CES5A: variants seen among roughly 807,000 people sequenced by gnomAD.
CES5A encodes carboxylesterase 5A.
In CES5A, 67 loss-of-function variants were observed where a neutral mutation model predicts 62.9. The observed-to-expected ratio is 1.07, with a 90% confidence interval of 0.88 to 1.31. CES5A has a LOEUF of 1.31. Ranked by LOEUF, CES5A falls within the 50% of genes most tolerant of loss-of-function variation. The pLI is 0.00. For missense variants in CES5A, 748 were observed against 708.5 expected (o/e 1.06, Z -0.63); for synonymous variants, 296 against 280.8 (o/e 1.05, Z -0.54).
chr16:55,879,459 G>A (rs948739840), upstream of CES5A, among the ~76,000 whole-genome samples: 1 of 143,666 alleles, frequency 7.0e-6, no homozygotes, highest in African/African-American at 2.6e-5. Flanking sequence ...GCAAGCCCAT[G>A]ACTGCACCCT....
intron 1 of CES5A, among the ~76,000 whole-genome samples, chr16:55,886,600 A>G (rs749171791): frequency 2.0e-5 from 3 of 152,076 alleles, no homozygotes; most frequent in Non-Finnish European, 4.4e-5. Context: ...CCGAATGCCC[A>G]CTGGCCAGCA....
At chr16:55,944,959 G>A (rs1328583066) in intron 2 of CES5A, among the ~76,000 whole-genome samples, 5 of 152,180 alleles carry the variant, frequency 3.3e-5, no homozygotes, top group Non-Finnish European at 5.9e-5. Flanking sequence ...CAAACTACAT[G>A]AGTTCAAATC....
chr16:55,854,685 C>G (rs1392936606), intron 9 of CES5A, among the ~76,000 whole-genome samples: 1 of 150,994 alleles, frequency 6.6e-6, no homozygotes, highest in Non-Finnish European at 1.5e-5. Context: ...ATGCACACCA[C>G]CAGGCCTGGC....
chr16:55,955,574 C>A (rs1211105187), intron 1 of CES5A, among the ~76,000 whole-genome samples: 4 of 152,172 alleles, frequency 2.6e-5, no homozygotes, highest in African/African-American at 9.7e-5. Context: ...CCACATGCCG[C>A]ATGGAGGAAA....
At chr16:55,865,848 T>C in intron 5 of CES5A, 115 bp downstream of exon 5, 2 of 1,157,342 alleles carry the variant, frequency 1.7e-6, no homozygotes, top group Non-Finnish European at 2.6e-6. Context: ...AAAAAGACAA[T>C]GTGTATTAAA....
rs1288510111 is a variant in CES5A, at chr16:55,849,768, C to T, written c.1279G>A (p.Gly427Ser). The change falls in exon 11 of 13, where the codon GGT becomes AGT. Residue 427 changes from glycine (G) to serine (S), a missense_variant. By Grantham distance (56) the Gly-to-Ser change is moderately conservative (BLOSUM62 0). Coordinates refer to ENST00000290567, the MANE Select transcript of CES5A (RefSeq NM_001143685.2). ...LITARYHRDA[G>S]APVYFYEFRH... ...AACTCATAGAAGTAGACAGGTGCAC[C>T]AGCATCTGACAAAAGGTCAGGGAAG... 2 of 1,613,576 alleles carry T rather than the reference C, an allele frequency of 1.2e-6. No homozygotes were observed. The highest frequency in any genetic ancestry group is 2.7e-5 in the African/African-American group (2 of 74,930).
intron 2 of CES5A, among the ~76,000 whole-genome samples, chr16:55,943,014 T>C (rs1358302701): frequency 6.6e-6 from 1 of 152,186 alleles, no homozygotes; most frequent in Non-Finnish European, 1.5e-5. Flanking sequence ...GCTTGGAAGG[T>C]TGGCTACAAA....
intron 11 of CES5A, among the ~76,000 whole-genome samples, chr16:55,849,360 A>AAT (rs1555478627): frequency 6.6e-6 from 1 of 151,306 alleles, no homozygotes; most frequent in East Asian, 1.9e-4. Flanking sequence ...TAAAAAAAAA[A>AAT]ATATTTAGAT....
At chr16:55,855,179 C>A (rs1217321298) in intron 9 of CES5A, among the ~76,000 whole-genome samples, 1 of 152,252 alleles carries the variant, frequency 6.6e-6, no homozygotes, top group African/African-American at 2.4e-5. Context: ...CTGTCCACCC[C>A]ACATTGCACC....
chr16:55,859,244 G>A (rs529854855), intron 8 of CES5A, among the ~76,000 whole-genome samples: 1 of 152,310 alleles, frequency 6.6e-6, no homozygotes, highest in Non-Finnish European at 1.5e-5. Context: ...GCATTTTTTG[G>A]AAACAATCAT....
At chr16:55,906,528 G>A (rs6416767) in intron 1 of CES5A, among the ~76,000 whole-genome samples, 1 of 152,086 alleles carries the variant, frequency 6.6e-6, no homozygotes, top group African/African-American at 2.4e-5. Context: ...TGACAATGTA[G>A]TTCCTTCATG....
intron 4 of CES5A, among the ~76,000 whole-genome samples, chr16:55,869,243 T>G (rs750993427): frequency 4.3e-4 from 66 of 151,960 alleles, no homozygotes; most frequent in Non-Finnish European, 7.9e-4. Context: ...CAGGAGACCC[T>G]CCATTGCATG....
At chr16:55,955,984 T>C (rs1159730753) in exon 1 of CES5A, 4 of 1,319,358 alleles carry the variant, frequency 3.0e-6, no homozygotes, top group South Asian at 1.3e-5. Context: ...GTACAGCTGA[T>C]AAAGAAAAGT....
In CES5A at chr16:55,872,950, G is replaced by A. The variant is rs898788179; in HGVS notation, c.278+883C>T. Among the ~76,000 whole-genome samples, 8 of 152,158 alleles carry A rather than the reference G, an allele frequency of 5.3e-5. No homozygotes were observed. In the South Asian group the frequency reaches 6.2e-4, roughly 12 times the overall value. On this transcript the variant is annotated intron_variant, in intron 2 of 12. Transcript: ENST00000290567. The stretch of plus-strand genomic sequence containing the variant: ...GGAGAGCCAGTTATCAAGTTGGTTC[G>A]CAATGAATATTAGTTGGATGAATGA...
chr16:55,899,836 C>T (rs1217442836), intron 1 of CES5A, among the ~76,000 whole-genome samples: 1 of 152,120 alleles, frequency 6.6e-6, no homozygotes, highest in Non-Finnish European at 1.5e-5. Flanking sequence ...GGCTGAGAAA[C>T]CCTTGGCTAA....
upstream of CES5A, among the ~76,000 whole-genome samples, chr16:55,878,936 CCACTGCACCCCAT>C (rs1374928832): frequency 5.1e-5 from 7 of 138,434 alleles, no homozygotes; most frequent in Admixed American, 5.0e-4. Context: ...ACTGCACCTC[CCACTGCACCCCAT>C]CACTGCACCC....
upstream of CES5A, among the ~76,000 whole-genome samples, chr16:55,879,757 A>AT (rs1324077916): frequency 4.7e-4 from 72 of 152,004 alleles, 1 homozygote; most frequent in Middle Eastern, 0.045. Context: ...CACCTGGCTA[A>AT]TTTTTTTTAA....
intron 2 of CES5A, among the ~76,000 whole-genome samples, chr16:55,948,471 G>A (rs558752158): frequency 2.6e-5 from 4 of 152,060 alleles, no homozygotes; most frequent in African/African-American, 4.8e-5. Context: ...CGGTGGAAGG[G>A]GGGTAAAATT....
intron 9 of CES5A, among the ~76,000 whole-genome samples, chr16:55,855,484 C>T (rs545683875): frequency 4.7e-4 from 71 of 152,246 alleles, no homozygotes; most frequent in African/African-American, 1.6e-3. Flanking sequence ...TGGCCTGATG[C>T]CTGGCTGGTG....
Sources: allele counts gnomAD v4.1 joint callset (sites outside exome capture counted in the v4.1 genomes callset), GRCh38; gene constraint gnomAD v4.1.1; transcripts MANE v1.5; gene names NCBI Gene and HGNC (gene_info 2026-07-23, HGNC 2026-07-21).